SORCS2: variants seen among roughly 807,000 people sequenced by gnomAD.
SORCS2 encodes VPS10 domain-containing receptor SorCS2.
Under a neutral mutation model 141.6 loss-of-function variants are expected in SORCS2, and 100 were observed. That is an observed-to-expected ratio of 0.71 (90% CI 0.60 to 0.83). The LOEUF (loss-of-function observed/expected upper bound fraction) is 0.83, where lower values mean the gene tolerates loss of function less well. Among genes scored for constraint, SORCS2 ranks in the 40% least tolerant of loss-of-function variants. The probability of loss-of-function intolerance (pLI) is 0.00; values close to 1 mark genes in which losing one functional copy is unlikely to be tolerated. For synonymous variants in SORCS2, 789 were observed against 676.9 expected (o/e 1.17, Z -2.57); for missense variants, 1,646 against 1,560.2 (o/e 1.05, Z -0.93).
At chr4:7,334,102 C>T (rs181749819) in intron 1 of SORCS2, among the ~76,000 whole-genome samples, 1,844 of 152,272 alleles carry the variant, frequency 0.012, 39 homozygotes, top group African/African-American at 0.043. Context: ...CCCCCGGCCC[C>T]TCACCCTCCT....
rs184236222 is a variant in SORCS2, at chr4:7,633,952, C to G, written c.649-4376C>G. On this transcript the variant is annotated intron_variant, in intron 3 of 26. Coordinates refer to ENST00000507866, the MANE Select transcript of SORCS2 (RefSeq NM_020777.3). ...AGTGCTTTAATGAGGGGGATTTGGG[C>G]TTCCCTGGCCAAATGGCACAGACGT... is the stretch of plus-strand genomic sequence containing the variant. Among the ~76,000 whole-genome samples the G allele has an allele frequency of 2.7e-4, 33 of 121,562 alleles. 9 individuals are homozygous for G. The highest frequency in any genetic ancestry group is 5.7e-4 in the Non-Finnish European group (30 of 52,786). 79.7% of individuals were successfully genotyped at this position (121,562 alleles called of 152,430 possible).
chr4:7,285,515 G>A (rs988910935), intron 1 of SORCS2, among the ~76,000 whole-genome samples: 1 of 152,244 alleles, frequency 6.6e-6, no homozygotes, highest in African/African-American at 2.4e-5. Flanking sequence ...TGGCTGCAGT[G>A]GGCGGTTGAT....
chr4:7,212,230 C>T (rs1051642788), intron 1 of SORCS2, among the ~76,000 whole-genome samples: 2 of 152,202 alleles, frequency 1.3e-5, no homozygotes, highest in African/African-American at 4.8e-5. Context: ...GCCCACACGG[C>T]ACAGGTCAGC....
At chr4:7,600,656 TACACACACACACACACACACACACAC>T (rs57789330) in intron 3 of SORCS2, among the ~76,000 whole-genome samples, 1 of 140,902 alleles carries the variant, frequency 7.1e-6, no homozygotes, top group African/African-American at 2.7e-5. Context: ...CATATATATA[TACACACACACACACACACACACACAC>T]ACACACACAC....
chr4:7,254,967 C>T (rs1241055511), intron 1 of SORCS2, among the ~76,000 whole-genome samples: 1 of 151,936 alleles, frequency 6.6e-6, no homozygotes, highest in Non-Finnish European at 1.5e-5. Context: ...GCATGGGCAA[C>T]GGGGAGAGCA....
chr4:7,373,478 A>ATATATATATATTTTTT (rs1470691140), intron 1 of SORCS2, among the ~76,000 whole-genome samples: 2 of 36,818 alleles, frequency 5.4e-5, no homozygotes, highest in African/African-American at 1.6e-4. Flanking sequence ...ATATATATAT[A>ATATATATATATTTTTT]TTTTTTTTTT....
chr4:7,660,782 C>A (rs1286058789), intron 5 of SORCS2, among the ~76,000 whole-genome samples: 1 of 152,192 alleles, frequency 6.6e-6, no homozygotes, highest in African/African-American at 2.4e-5. Context: ...CAGCCTGGTG[C>A]AAACTGTCGA....
At chr4:7,592,175 T>C (rs7673460) in intron 3 of SORCS2, among the ~76,000 whole-genome samples, 51,055 of 152,016 alleles carry the variant, frequency 0.34, 9,036 homozygotes, top group Middle Eastern at 0.39. Flanking sequence ...CTGTTGTTTA[T>C]GGCGGCCTTG....
chr4:7,488,628 G>A (rs770513498), intron 2 of SORCS2, among the ~76,000 whole-genome samples: 3 of 152,178 alleles, frequency 2.0e-5, no homozygotes, highest in Non-Finnish European at 4.4e-5. Context: ...ACCAGGACAG[G>A]AACGGCCATC....
At chr4:7,650,377 G>A (rs539849106) in intron 4 of SORCS2, among the ~76,000 whole-genome samples, 3 of 152,328 alleles carry the variant, frequency 2.0e-5, no homozygotes, top group South Asian at 2.1e-4. Flanking sequence ...TGCTGTGTGC[G>A]TGGCAAGTGC....
chr4:7,611,338 C>T (rs1172233607), intron 3 of SORCS2, among the ~76,000 whole-genome samples: 1 of 152,310 alleles, frequency 6.6e-6, no homozygotes, highest in East Asian at 1.9e-4. Context: ...CAAGTCCTGG[C>T]TGAGATGAGT....
chr4:7,535,415 G>A (rs13116436), intron 3 of SORCS2, among the ~76,000 whole-genome samples: 56,279 of 152,070 alleles, frequency 0.37, 11,821 homozygotes, highest in East Asian at 0.9. Context: ...TCTGGCTGGG[G>A]CATAGGGGCC....
At chr4:7,509,982 C>G (rs1339175722) in intron 2 of SORCS2, among the ~76,000 whole-genome samples, 1 of 152,210 alleles carries the variant, frequency 6.6e-6, no homozygotes, top group Non-Finnish European at 1.5e-5. Context: ...GTAGAATAAT[C>G]CCACTCTGTC....
intron 4 of SORCS2, among the ~76,000 whole-genome samples, chr4:7,642,175 C>T (rs765215507): frequency 5.3e-5 from 8 of 152,240 alleles, no homozygotes; most frequent in Non-Finnish European, 1.0e-4. Flanking sequence ...GACCTGGCCT[C>T]CTTGCCAAGG....
intron 2 of SORCS2, among the ~76,000 whole-genome samples, chr4:7,417,935 G>C (rs1422522241): frequency 1.3e-5 from 2 of 152,338 alleles, no homozygotes; most frequent in South Asian, 4.1e-4. Flanking sequence ...GAAAACATAA[G>C]AGTGAGCCAG....
intron 1 of SORCS2, among the ~76,000 whole-genome samples, chr4:7,394,651 G>A (rs1372766263): frequency 1.3e-5 from 2 of 152,158 alleles, no homozygotes; most frequent in Admixed American, 6.5e-5. Flanking sequence ...AAGCAGTCTT[G>A]CTGGGTGATT....
chr4:7,272,472 T>C (rs756308952), intron 1 of SORCS2, among the ~76,000 whole-genome samples: 2 of 152,240 alleles, frequency 1.3e-5, no homozygotes, highest in African/African-American at 2.4e-5. Context: ...TGTACAGATA[T>C]GTGCTATAGC....
chr4:7,734,099 G>A (rs1711942463), intron 24 of SORCS2, among the ~76,000 whole-genome samples, 173 bp from the exon 25 acceptor site: 1 of 146,316 alleles, frequency 6.8e-6, no homozygotes, highest in Non-Finnish European at 1.5e-5. Flanking sequence ...GCTGGGGAGG[G>A]AATGGGAATG....
chr4:7,211,084 T>C (rs34821942), intron 1 of SORCS2, among the ~76,000 whole-genome samples: 48,361 of 152,244 alleles, frequency 0.32, 8,383 homozygotes, highest in Non-Finnish European at 0.39. Flanking sequence ...TTTTGCATTT[T>C]TGCATTTTTT....
Sources: gnomAD v4.1 joint callset for allele counts (sites outside exome capture counted in the v4.1 genomes callset) on GRCh38, gnomAD v4.1.1 for gene constraint, MANE v1.5 for transcripts, NCBI Gene and HGNC (gene_info 2026-07-23, HGNC 2026-07-21) for gene names.